The following TP53BP1 variants were observed in gnomAD, a reference collection of about 807,000 sequenced individuals.
The protein encoded by TP53BP1 is TP53-binding protein 1.
A neutral mutation model predicts 200.8 loss-of-function variants in TP53BP1; 61 were observed. The ratio of observed to expected loss-of-function variants is 0.30; its 90% CI spans 0.25 to 0.38. The LOEUF (loss-of-function observed/expected upper bound fraction) is 0.38. Ranked by LOEUF, TP53BP1 falls within the 10% of genes least tolerant of loss-of-function variation. The pLI is 1.00. For synonymous variants in TP53BP1, 822 were observed against 844.3 expected, an observed-to-expected ratio of 0.97 and a Z score of 0.46; for missense variants, 2,144 against 2,371.9, an observed-to-expected ratio of 0.90 and a Z score of 2.00.
At chr15:43,500,800 G>A (rs754864439) in intron 1 of TP53BP1, among the ~76,000 whole-genome samples, 1 of 152,010 alleles carries the variant, frequency 6.6e-6, no homozygotes, top group Non-Finnish European at 1.5e-5. Flanking sequence ...CAGCCTGGGC[G>A]ACAGAGTGAG....
intron 10 of TP53BP1, among the ~76,000 whole-genome samples, chr15:43,473,683 G>T (rs1287527090): frequency 6.6e-6 from 1 of 151,962 alleles, no homozygotes; most frequent in African/African-American, 2.4e-5. Context: ...CTAGACACAG[G>T]GTGCTGACTG....
At chr15:43,491,553 T>C (rs556729619) in intron 4 of TP53BP1, 116 bp downstream of exon 4, 2 of 822,160 alleles carry the variant, frequency 2.4e-6, no homozygotes, top group Non-Finnish European at 4.2e-6. Context: ...TCAAGTCCCA[T>C]TTCCTAATCC....
In TP53BP1 at chr15:43,418,410, G is replaced by A. The variant is rs148356502; in HGVS notation, c.4681+1895C>T. Among the ~76,000 whole-genome samples, 634 of 150,734 alleles carry A rather than the reference G, an allele frequency of 4.2e-3. 3 individuals are homozygous for A. Among genetic ancestry groups the A allele is most frequent in the African/African-American group, 0.015 (599 of 40,958 alleles). Reference sequence around the variant, plus strand: ...CCAGCTACTCGGGAGGCTGAGGCACGAGAAACACTTGAACCCAGGAGGCAG... The same window carrying A: ...CCAGCTACTCGGGAGGCTGAGGCACAAGAAACACTTGAACCCAGGAGGCAG... On this transcript the variant is annotated intron_variant, in intron 21 of 27. Coordinates refer to ENST00000382044, the MANE Select transcript of TP53BP1 (RefSeq NM_001141980.3).
intron 4 of TP53BP1, among the ~76,000 whole-genome samples, chr15:43,484,621 C>A (rs1158994816): frequency 6.6e-6 from 1 of 152,240 alleles, no homozygotes; most frequent in Non-Finnish European, 1.5e-5. Context: ...CACTCCACTA[C>A]AGCCACACTA....
intron 10 of TP53BP1, 107 bp from the exon 11 acceptor site, chr15:43,470,173 A>C: frequency 1.1e-6 from 1 of 929,894 alleles, no homozygotes; most frequent in Non-Finnish European, 1.6e-6. Context: ...ACTCTAAAAA[A>C]ATAGTGACGT....
Position 43,421,165 on chromosome 15 carries a change from T to G in TP53BP1, c.4110A>C (p.Lys1370Asn), listed in dbSNP as rs1240765822. 4 of 1,613,728 alleles carry G rather than the reference T, an allele frequency of 2.5e-6. No individual in the cohort carries two copies. Among genetic ancestry groups the G allele is most frequent in the African/African-American group, 1.3e-5 (1 of 74,908 alleles). The change falls in exon 20 of 28, where the codon AAA (lysine) becomes AAC (asparagine). Residue 1370 changes from lysine to asparagine, a missense_variant. This residue lies in a region of TP53BP1 where 1,700 missense variants were observed against 1,710.3 expected (regional missense o/e 0.99). Coordinates refer to ENST00000382044, the MANE Select transcript of TP53BP1 (RefSeq NM_001141980.3). The part of the protein sequence containing the change: ...RGGPGKLSPR[K>N]GVSQTGTPVC... ...CTGGCGTCCCTGTCTGACTGACCCC[T>G]TTTCTAGGACTAGAGAATGAAGACA...
intron 13 of TP53BP1, chr15:43,446,868 G>A (rs1182701418): frequency 8.2e-7 from 1 of 1,222,698 alleles, no homozygotes. Flanking sequence ...ATCAGGCATA[G>A]GTAGCAGGAG....
rs377002468 is a variant in TP53BP1 at position 43,468,647 on chromosome 15, T to C, written c.1389+1211A>G. 5.2e-5 allele frequency among the ~76,000 whole-genome samples: 6 copies of C among 114,348 alleles called. No individual in the cohort carries two copies. In the South Asian group the frequency reaches 7.7e-4, roughly 15 times the overall value. 75.0% of individuals were successfully genotyped at this position (114,348 alleles called of 152,430 possible). A position where few individuals can be genotyped will look rare whatever the true frequency, so the allele number is the denominator to read the frequency against. On this transcript the variant is annotated intron_variant, in intron 11 of 27. Coordinates refer to ENST00000382044, the MANE Select transcript of TP53BP1 (RefSeq NM_001141980.3). The stretch of plus-strand genomic sequence containing the variant: ...TAACCCTTTCACTGCCAACAACAGC[T>C]ACCCTTATATGCAGTACCAAGTGCA...
In TP53BP1 at chr15:43,407,372, A is replaced by G. The variant is rs367624271; in HGVS notation, c.*11T>C. 46 of 1,613,044 alleles carry G rather than the reference A, an allele frequency of 2.9e-5. No homozygotes were observed. The highest frequency in any genetic ancestry group is 3.4e-5 in the Non-Finnish European group (40 of 1,179,204). Reference sequence around the variant, plus strand: ...GATAGCAGGGAATAAAACCAGTAAGACCAAGTATCTTTAGTGAGAAACATA... The same window carrying G: ...GATAGCAGGGAATAAAACCAGTAAGGCCAAGTATCTTTAGTGAGAAACATA... On this transcript the variant is annotated 3_prime_UTR_variant, in exon 28 of 28. Transcript: ENST00000382044.
intron 18 of TP53BP1, 22 bp from the exon 19 acceptor site, chr15:43,422,148 A>G (rs993022287): frequency 6.2e-7 from 1 of 1,605,670 alleles, no homozygotes; most frequent in Admixed American, 1.7e-5. Flanking sequence ...AAATAGATAC[A>G]GAAGATAAAA....
At position 43,430,128 on chromosome 15, in the gene TP53BP1, C is replaced by T. The variant is rs118164385; in HGVS notation, c.3676-1960G>A. ...AATAAATAAATTGATGATCTTACCA[C>T]CATTAAGGGAAGGAAACAAAATGAA... On this transcript the variant is annotated intron_variant, in intron 17 of 27. Transcript: ENST00000382044. Among the ~76,000 whole-genome samples the T allele has an allele frequency of 5.5e-3, 840 of 152,298 alleles. 3 individuals carry two copies. The highest frequency in any genetic ancestry group is 6.5e-3 in the Non-Finnish European group (441 of 68,022).
intron 17 of TP53BP1, among the ~76,000 whole-genome samples, chr15:43,429,300 A>G (rs1346762067): frequency 6.6e-6 from 1 of 152,240 alleles, no homozygotes; most frequent in Non-Finnish European, 1.5e-5. Context: ...AAAAAGTGCT[A>G]GAATTTCAGT....
intron 25 of TP53BP1, 107 bp from the exon 26 acceptor site, chr15:43,409,203 T>C: frequency 2.0e-6 from 2 of 991,582 alleles, no homozygotes; most frequent in East Asian, 5.1e-5. Flanking sequence ...TCCCAACTAC[T>C]ACCCAAAATG....
intron 1 of TP53BP1, among the ~76,000 whole-genome samples, chr15:43,508,446 C>T (rs2079250443): frequency 6.6e-6 from 1 of 152,128 alleles, no homozygotes; most frequent in Non-Finnish European, 1.5e-5. Flanking sequence ...CTGCTTGAGG[C>T]CAGGAGTTTG....
chr15:43,468,966 C>T (rs1442004487), intron 11 of TP53BP1, among the ~76,000 whole-genome samples: 1 of 152,142 alleles, frequency 6.6e-6, no homozygotes, highest in African/African-American at 2.4e-5. Flanking sequence ...CTGTCCCCTC[C>T]TCACTAAATT....
At position 43,480,021 on chromosome 15, in the gene TP53BP1, G is replaced by A. The variant is rs2078940022; in HGVS notation, c.500-4C>T. The A allele has an allele frequency of 1.2e-6, 2 of 1,613,462 alleles. No homozygotes were observed. The highest frequency in any genetic ancestry group is 2.2e-5 in the East Asian group (1 of 44,874). The stretch of plus-strand genomic sequence containing the variant: ...CCCAACTGTGATGAGGCAGTATCTA[G>A]GAACAAAATGCCAAGAAATTAGGTA... On this transcript the variant is annotated splice_polypyrimidine_tract_variant and splice_region_variant and intron_variant, in intron 5 of 27. Transcript: ENST00000382044.
At chr15:43,410,003 C>G (rs529650269) in intron 24 of TP53BP1, among the ~76,000 whole-genome samples, 2 of 152,284 alleles carry the variant, frequency 1.3e-5, no homozygotes, top group South Asian at 4.1e-4. Flanking sequence ...TCAAAGGTTC[C>G]TGCACCGGAC....
intron 27 of TP53BP1, 97 bp from the exon 28 acceptor site, chr15:43,407,667 C>T: frequency 1.6e-6 from 2 of 1,212,334 alleles, no homozygotes; most frequent in South Asian, 1.5e-5. Flanking sequence ...TCCCACTCTG[C>T]ACAAACCAAA....
intron 16 of TP53BP1, among the ~76,000 whole-genome samples, chr15:43,435,324 A>G (rs894521349): frequency 6.6e-6 from 1 of 150,580 alleles, no homozygotes; most frequent in Admixed American, 6.6e-5. Flanking sequence ...ATACATCTCC[A>G]TATTTAACAA....
Sources: allele counts gnomAD v4.1 joint callset (sites outside exome capture counted in the v4.1 genomes callset), GRCh38; gene constraint gnomAD v4.1.1; regional missense constraint gnomAD v4.1.1; transcripts MANE v1.5; gene names NCBI Gene and HGNC (gene_info 2026-07-23, HGNC 2026-07-21).